THADA: variants seen among roughly 807,000 people sequenced by gnomAD.
THADA encodes tRNA (32-2'-O)-methyltransferase regulator THADA.
In THADA, 213 loss-of-function variants were observed where a neutral mutation model predicts 219.8. That is an observed-to-expected ratio of 0.97 (90% CI 0.87 to 1.09). The LOEUF (loss-of-function observed/expected upper bound fraction) is 1.09, where lower values mean the gene tolerates loss of function less well. THADA is among the 50% of genes least tolerant of loss of function. The probability of loss-of-function intolerance (pLI) is 0.00; values close to 1 mark genes in which losing one functional copy is unlikely to be tolerated. For synonymous variants in THADA, 1,018 were observed against 828.9 expected, an observed-to-expected ratio of 1.23 and a Z score of -3.92; for missense variants, 2,956 against 2,311.3, an observed-to-expected ratio of 1.28 and a Z score of -5.72.
chr2:43,291,491 CAAGAGAAAA>C (rs1674717303), intron 34 of THADA, among the ~76,000 whole-genome samples, 196 bp downstream of exon 34: 1 of 57,936 alleles, frequency 1.7e-5, no homozygotes, highest in African/African-American at 7.0e-5. Flanking sequence ...AATCCTAAAA[CAAGAGAAAA>C]GAAAGGTGGT....
At position 43,482,510 on chromosome 2, in the gene THADA, T is replaced by C. The variant is rs571590614; in HGVS notation, c.3836+2724A>G. Among the ~76,000 whole-genome samples the C allele has an allele frequency of 1.7e-3, 258 of 152,308 alleles. 2 individuals are homozygous for C. The highest frequency in any genetic ancestry group is 0.01 in the Middle Eastern group (3 of 294). On this transcript the variant is annotated intron_variant, in intron 26 of 37. Transcript: ENST00000405975. The stretch of plus-strand genomic sequence containing the variant: ...CCTCAGGAATATTCCAAACCTTATT[T>C]TACAGAGAAGAAAACCAAAGCCCAG...
At chr2:43,245,660 C>T (rs1669070663) in intron 36 of THADA, among the ~76,000 whole-genome samples, 2 of 152,148 alleles carry the variant, frequency 1.3e-5, no homozygotes, top group South Asian at 4.1e-4. Flanking sequence ...ATGACTGATT[C>T]ATTTCAACAG....
chr2:43,323,931 AGAAT>A (rs927509433), intron 30 of THADA, among the ~76,000 whole-genome samples: 18 of 152,224 alleles, frequency 1.2e-4, no homozygotes, highest in African/African-American at 3.6e-4. Context: ...GGAAGATAAG[AGAAT>A]GCGTTGATAA....
At chr2:43,411,982 G>A (rs993611713) in intron 28 of THADA, among the ~76,000 whole-genome samples, 2 of 152,098 alleles carry the variant, frequency 1.3e-5, no homozygotes, top group Non-Finnish European at 2.9e-5. Context: ...CTTTCAAAGT[G>A]TCCAGGTGAT....
At chr2:43,587,349 T>C (rs934979920) in intron 4 of THADA, among the ~76,000 whole-genome samples, 7 of 152,244 alleles carry the variant, frequency 4.6e-5, no homozygotes, top group African/African-American at 1.7e-4. Context: ...GTCCTCCCGA[T>C]ACAATCTGGC....
rs371696091 is a variant in THADA, at chr2:43,359,421, G to A, written c.4228-15184C>T. Among the ~76,000 whole-genome samples, 39 of 152,282 alleles carry A rather than the reference G, an allele frequency of 2.6e-4. 1 individual carries two copies. The highest frequency in any genetic ancestry group is 6.8e-3 in the Middle Eastern group (2 of 294). On this transcript the variant is annotated intron_variant, in intron 29 of 37. Transcript: ENST00000405975. ...ATGGCTGGGTGTGGTGGCTCATGCCGGTAATCCCAGGACTTTGGGAGGCTG... is the reference window on the plus strand; with the variant it reads ...ATGGCTGGGTGTGGTGGCTCATGCCAGTAATCCCAGGACTTTGGGAGGCTG...
At chr2:43,379,267 A>G (rs151231443) in intron 29 of THADA, among the ~76,000 whole-genome samples, 9 of 152,344 alleles carry the variant, frequency 5.9e-5, no homozygotes, top group African/African-American at 1.9e-4. Flanking sequence ...GATGGAGTCT[A>G]TAACTTCCAA....
chr2:43,479,915 G>T (rs1458220820), intron 26 of THADA, among the ~76,000 whole-genome samples: 1 of 152,128 alleles, frequency 6.6e-6, no homozygotes, highest in African/African-American at 2.4e-5. Context: ...TTCTCCTCTG[G>T]TTTACTCCTA....
intron 25 of THADA, among the ~76,000 whole-genome samples, chr2:43,495,782 T>C (rs1167533172): frequency 1.3e-5 from 2 of 152,190 alleles, no homozygotes; most frequent in African/African-American, 4.8e-5. Context: ...TTTCTGACAA[T>C]CACTTTTATG....
At position 43,572,335 on chromosome 2, in the gene THADA, A is replaced by T. The variant is rs370090222; in HGVS notation, c.1909-473T>A. ...GAACCAACTAAGTCTTTAGCCTAGCATTAGGCCTTTCCAAAAAATGTCCAA... is the reference window on the plus strand; with the variant it reads ...GAACCAACTAAGTCTTTAGCCTAGCTTTAGGCCTTTCCAAAAAATGTCCAA... On this transcript the variant is annotated intron_variant, in intron 12 of 37. Coordinates refer to ENST00000405975, the MANE Select transcript of THADA (RefSeq NM_022065.5). Among the ~76,000 whole-genome samples the T allele has an allele frequency of 7.2e-5, 11 of 152,334 alleles. No individual in the cohort carries two copies. In the East Asian group the frequency reaches 1.4e-3, roughly 19 times the overall value.
At chr2:43,485,864 C>CAA (rs113474710) in intron 25 of THADA, among the ~76,000 whole-genome samples, 3 of 134,554 alleles carry the variant, frequency 2.2e-5, no homozygotes, top group African/African-American at 5.5e-5. Context: ...ACCCCCATCT[C>CAA]AAAAAAAAAA....
rs556802316 is a variant in THADA, at chr2:43,554,815, G to T, written c.2674+1530C>A. ...AAACTCTTAGACATGTGCATTAGAA[G>T]ATATTAATATACAGGCTAAGTACTC... On this transcript the variant is annotated intron_variant, in intron 17 of 37. Coordinates refer to ENST00000405975, the MANE Select transcript of THADA (RefSeq NM_022065.5). Among the ~76,000 whole-genome samples, 193 of 152,256 alleles carry T rather than the reference G, an allele frequency of 1.3e-3. 2 individuals carry two copies. Among genetic ancestry groups the T allele is most frequent in the Non-Finnish European group, 1.3e-3 (89 of 68,010 alleles).
At chr2:43,513,176 G>A (rs868466251) in intron 22 of THADA, among the ~76,000 whole-genome samples, 5 of 152,164 alleles carry the variant, frequency 3.3e-5, no homozygotes, top group Middle Eastern at 6.8e-3. Flanking sequence ...AGTTCTTAAT[G>A]GTCATTTTCT....
Position 43,342,552 on chromosome 2 carries a change from C to G in THADA, c.4343+1570G>C, listed in dbSNP as rs568381597. Among the ~76,000 whole-genome samples, 35 of 152,306 alleles carry G rather than the reference C, an allele frequency of 2.3e-4. No homozygotes were observed. In the South Asian group the frequency reaches 3.5e-3, roughly 15 times the overall value. ...TCATATTGCTGTGTCTCTGCCTATG[C>G]CGTTACCTAAGCCTGGAATTCCCCT... On this transcript the variant is annotated intron_variant, in intron 30 of 37. Transcript: ENST00000405975.
chr2:43,538,426 T>C (rs1397138108), intron 21 of THADA: 1 of 152,206 alleles, frequency 6.6e-6, no homozygotes, highest in Admixed American at 6.5e-5. Flanking sequence ...AAGTCAGACA[T>C]GCCTCTGAAT....
intron 26 of THADA, among the ~76,000 whole-genome samples, chr2:43,438,709 C>A (rs929113525): frequency 6.6e-6 from 1 of 152,178 alleles, no homozygotes; most frequent in Non-Finnish European, 1.5e-5. Flanking sequence ...GTAGTCCCCC[C>A]CTTATCTGAG....
At chr2:43,237,204 A>G (rs1439993719) in intron 36 of THADA, among the ~76,000 whole-genome samples, 2 of 152,094 alleles carry the variant, frequency 1.3e-5, no homozygotes, top group African/African-American at 4.8e-5. Context: ...ACACCCTCAC[A>G]TTTATGGTCA....
intron 31 of THADA, among the ~76,000 whole-genome samples, chr2:43,307,693 C>T (rs1381834418): frequency 1.3e-5 from 2 of 152,184 alleles, no homozygotes; most frequent in African/African-American, 4.8e-5. Flanking sequence ...TCCAACCAAT[C>T]CTAAGTAACT....
intron 26 of THADA, among the ~76,000 whole-genome samples, chr2:43,448,401 G>T (rs1204492836): frequency 6.6e-6 from 1 of 152,140 alleles, no homozygotes; most frequent in Non-Finnish European, 1.5e-5. Flanking sequence ...AAAATCTGGG[G>T]ATCTGTGCTT....
Sources: gnomAD v4.1 joint callset for allele counts (sites outside exome capture counted in the v4.1 genomes callset) on GRCh38, gnomAD v4.1.1 for gene constraint, MANE v1.5 for transcripts, NCBI Gene and HGNC (gene_info 2026-07-23, HGNC 2026-07-21) for gene names.